PGAP2: variants seen among roughly 807,000 people sequenced by gnomAD.
PGAP2 encodes the protein acyltransferase PGAP2.
PGAP2 carries 21 observed loss-of-function variants against 33.2 expected under a neutral mutation model. The ratio of observed to expected loss-of-function variants is 0.63; its 90% CI spans 0.45 to 0.91. The LOEUF (loss-of-function observed/expected upper bound fraction) is 0.91, where lower values mean the gene tolerates loss of function less well. PGAP2 is among the 40% of genes least tolerant of loss of function. The probability of loss-of-function intolerance (pLI) is 0.00; values close to 1 mark genes in which losing one functional copy is unlikely to be tolerated. For missense variants in PGAP2, 345 were observed against 424.0 expected (o/e 0.81, Z 1.64); for synonymous variants, 161 against 172.9 (o/e 0.93, Z 0.54).
rs562373829 is a variant in PGAP2, at chr11:3,817,441, G to C, written c.254G>C (p.Trp85Ser). 1.2e-6 allele frequency: 2 copies of C among 1,614,132 alleles called. No homozygotes were observed. The highest frequency in any genetic ancestry group is 4.5e-5 in the East Asian group (2 of 44,878). Residue 85 changes from tryptophan (W) to serine (S), a missense_variant, in exon 3 of 7, where the codon TGG (tryptophan) becomes TCG (serine). Around this residue, in one of 2 missense-constraint regions of PGAP2, gnomAD observed 311 missense variants for 353.6 expected, o/e 0.88. Transcript: ENST00000278243. ...CGGCTTCGCTTCACAGCCATGGTCT[G>C]GTGGGCCATCACTTTTCCTGTGTTC... ...LFRLRFTAMV[W>S]WAITFPVFGF...
upstream of PGAP2, among the ~76,000 whole-genome samples, chr11:3,807,471 C>A (rs1204415736): frequency 2.0e-5 from 3 of 151,306 alleles, no homozygotes; most frequent in East Asian, 6.0e-4. Flanking sequence ...CCGTGCCCGG[C>A]TAATTTTTGT....
At chr11:3,803,761 A>G (rs2083855554), upstream of PGAP2, among the ~76,000 whole-genome samples, 1 of 149,692 alleles carries the variant, frequency 6.7e-6, no homozygotes, top group South Asian at 2.1e-4. Context: ...CATTTAGTCT[A>G]ATGCATTTAA....
intron 5 of PGAP2, 46 bp downstream of exon 5, chr11:3,824,422 A>G (rs1190854158): frequency 6.2e-7 from 1 of 1,613,986 alleles, no homozygotes; most frequent in African/African-American, 1.3e-5. Context: ...CCAGAAGAAA[A>G]TCAAGGACAT....
rs185881070 is a variant in PGAP2, at chr11:3,819,397, G to A, written c.348+1862G>A. Among the ~76,000 whole-genome samples the A allele has an allele frequency of 1.6e-4, 24 of 152,048 alleles. 1 individual carries two copies. In the East Asian group the frequency reaches 4.6e-3, roughly 29 times the overall value. ...CCTGGGGGAACCAGAGCCAAGATGC[G>A]GACTGTGAGCGTAGAGAGGAGGGAT... On this transcript the variant is annotated intron_variant, in intron 3 of 6. Coordinates refer to ENST00000278243, the MANE Select transcript of PGAP2 (RefSeq NM_014489.4).
Position 3,798,034 on chromosome 11 carries a change from C to T in PGAP2, c.139+52C>T, listed in dbSNP as rs991891606. ...CGGTCCGCCGGCGCTGCTGGGAAGGCTTCCTAGTCTCTCTGCCCGCACTTC... is the reference window on the plus strand; with the variant it reads ...CGGTCCGCCGGCGCTGCTGGGAAGGTTTCCTAGTCTCTCTGCCCGCACTTC... On this transcript the variant is annotated intron_variant, in intron 1 of 6. Transcript: ENST00000300730. The T allele has an allele frequency of 1.8e-5, 27 of 1,531,054 alleles. No homozygotes were observed. In the Admixed American group the frequency reaches 5.7e-4, roughly 33 times the overall value. The allele number at this position is 1,531,054 out of a possible 1,614,324, so 94.8% of individuals were successfully genotyped here. A position where few individuals can be genotyped will look rare whatever the true frequency, so the allele number is the denominator to read the frequency against.
chr11:3,800,948 C>T (rs1261259033), intron 1 of PGAP2, among the ~76,000 whole-genome samples: 1 of 150,794 alleles, frequency 6.6e-6, no homozygotes, highest in African/African-American at 2.4e-5. Flanking sequence ...GCCTGGCCAA[C>T]ATGGTGAAAC....
chr11:3,817,308 C>T, intron 2 of PGAP2, 45 bp from the exon 3 acceptor site: 1 of 1,519,868 alleles, frequency 6.6e-7, no homozygotes, highest in Non-Finnish European at 9.0e-7. Context: ...TTCCCAGACC[C>T]AGGTGTCCTA....
upstream of PGAP2, among the ~76,000 whole-genome samples, chr11:3,805,834 G>A (rs942519723): frequency 1.4e-4 from 21 of 151,768 alleles, no homozygotes; most frequent in South Asian, 8.3e-4. Flanking sequence ...CTACAGGTGC[G>A]CGCCATCACG....
chr11:3,815,614 C>T (rs1272830530), intron 2 of PGAP2, among the ~76,000 whole-genome samples: 4 of 152,112 alleles, frequency 2.6e-5, no homozygotes, highest in Non-Finnish European at 4.4e-5. Context: ...CTGAATGTAC[C>T]GTTGAACTTG....
intron 1 of PGAP2, among the ~76,000 whole-genome samples, chr11:3,809,491 A>G (rs2085107718): frequency 6.6e-6 from 1 of 152,044 alleles, no homozygotes; most frequent in Non-Finnish European, 1.5e-5. Flanking sequence ...CTCCTCATCA[A>G]CTCCTGATTT....
chr11:3,812,035 G>A (rs1281117926), intron 2 of PGAP2, among the ~76,000 whole-genome samples: 7 of 152,120 alleles, frequency 4.6e-5, no homozygotes, highest in Admixed American at 1.3e-4. Flanking sequence ...GATTATGTAC[G>A]TGTGTATGTG....
At position 3,811,741 on chromosome 11, in the gene PGAP2, C is replaced by T. The variant is rs1258938528; in HGVS notation, c.165+317C>T. On this transcript the variant is annotated intron_variant, in intron 2 of 6. Transcript: ENST00000278243. The surrounding 1 kb of genome is among the most constrained non-coding windows in gnomAD (Gnocchi z 4.6). ...GGTCTTACATCTTTCTTCCTGGCCCCGCGCCCCATATCCCTGTCCAGAGGG... is the reference window on the plus strand; with the variant it reads ...GGTCTTACATCTTTCTTCCTGGCCCTGCGCCCCATATCCCTGTCCAGAGGG... Among the ~76,000 whole-genome samples, 3 of 152,058 alleles carry T rather than the reference C, an allele frequency of 2.0e-5. No homozygotes were observed. The highest frequency in any genetic ancestry group is 4.8e-5 in the African/African-American group (2 of 41,420).
Position 3,825,344 on chromosome 11 carries a change from C to T in PGAP2, c.834C>T (p.Ala278=). Residue 278 remains alanine, a synonymous_variant, in exon 7 of 7, where the codon GCC becomes GCT. Transcript: ENST00000278243. The part of the protein sequence containing the change: ...YCEAGVYTIF[A]ILEYTVVLTN... Reference sequence around the variant, plus strand: ...TCACAACAGTGTACACCATCTTTGCCATCCTGGAGTACACTGTTGTCTTAA... The same window carrying T: ...TCACAACAGTGTACACCATCTTTGCTATCCTGGAGTACACTGTTGTCTTAA... 1.2e-6 allele frequency: 2 copies of T among 1,613,830 alleles called. No individual in the cohort carries two copies. The highest frequency in any genetic ancestry group is 1.3e-5 in the African/African-American group (1 of 75,014).
At chr11:3,814,413 C>T (rs1446424837) in intron 2 of PGAP2, among the ~76,000 whole-genome samples, 2 of 151,984 alleles carry the variant, frequency 1.3e-5, no homozygotes, top group African/African-American at 2.4e-5. Flanking sequence ...CCCGCCACCA[C>T]ACCTGGCTAA....
At chr11:3,809,560 C>T (rs1273006654) in intron 1 of PGAP2, among the ~76,000 whole-genome samples, 3 of 152,178 alleles carry the variant, frequency 2.0e-5, no homozygotes, top group African/African-American at 7.2e-5. Context: ...CCTAGTGGTT[C>T]CTCAGGGATC....
At chr11:3,797,866 G>C in exon 1 of PGAP2, 1 of 1,550,514 alleles carries the variant, frequency 6.4e-7, no homozygotes, top group South Asian at 1.2e-5. Context: ...GGAAGCACCG[G>C]CGGGGTGTCG....
At chr11:3,824,475 C>G (rs1332234684) in intron 5 of PGAP2, 99 bp downstream of exon 5, 1 of 1,581,774 alleles carries the variant, frequency 6.3e-7, no homozygotes, top group Admixed American at 1.7e-5. Context: ...GAACTGAGTT[C>G]TAATGGGAAC....
intron 3 of PGAP2, among the ~76,000 whole-genome samples, chr11:3,821,320 G>A (rs1293867796): frequency 6.6e-6 from 1 of 152,246 alleles, no homozygotes; most frequent in Non-Finnish European, 1.5e-5. Context: ...TCCGAAGACT[G>A]TCCCTCCATA....
chr11:3,815,065 G>C (rs1438226869), intron 2 of PGAP2, among the ~76,000 whole-genome samples: 2 of 151,646 alleles, frequency 1.3e-5, no homozygotes, highest in African/African-American at 4.9e-5. Flanking sequence ...AGCCTCCCGA[G>C]TAGCTGAGAT....
Sources: allele counts gnomAD v4.1 joint callset (sites outside exome capture counted in the v4.1 genomes callset), GRCh38; gene constraint gnomAD v4.1.1; regional missense constraint gnomAD v4.1.1; non-coding constraint Gnocchi (gnomAD v3.1); transcripts MANE v1.5; gene names NCBI Gene and HGNC (gene_info 2026-07-23, HGNC 2026-07-21).